CALCRL: variants seen among roughly 807,000 people sequenced by gnomAD.
CALCRL encodes the protein calcitonin receptor like receptor, also known as calcitonin gene-related peptide type 1 receptor.
In CALCRL, 27 loss-of-function variants were observed where a neutral mutation model predicts 60.4. The observed-to-expected ratio is 0.45, with a 90% CI of 0.33 to 0.62. The LOEUF (loss-of-function observed/expected upper bound fraction) is 0.62, where lower values mean the gene tolerates loss of function less well. CALCRL is among the 20% of genes least tolerant of loss of function. The pLI, the probability that CALCRL is intolerant of heterozygous loss-of-function variation, is 0.03. For synonymous variants in CALCRL, 190 were observed against 182.6 expected (o/e 1.04, Z -0.33); for missense variants, 424 against 540.7 (o/e 0.78, Z 2.14).
chr2:187,373,786 T>G (rs1559048662), intron 8 of CALCRL, among the ~76,000 whole-genome samples: 1 of 152,146 alleles, frequency 6.6e-6, no homozygotes, highest in Non-Finnish European at 1.5e-5. Context: ...AACTGAGGAT[T>G]AGAAAAATGA....
intron 1 of CALCRL, among the ~76,000 whole-genome samples, chr2:187,403,837 C>A (rs1456409905): frequency 1.3e-5 from 2 of 151,840 alleles, no homozygotes; most frequent in Admixed American, 1.3e-4. Flanking sequence ...ATCATTTACT[C>A]CTCTGACTAA....
rs78574790 is a variant in CALCRL, at chr2:187,383,000, C to T, written c.184+173G>A. 5.9e-3 allele frequency among the ~76,000 whole-genome samples: 893 copies of T among 151,866 alleles called. 14 individuals carry two copies. The highest frequency in any genetic ancestry group is 0.021 in the African/African-American group (859 of 41,396). ...ACATATTTTTATTGTTTTTAAAAAG[C>T]GATATAACATGATGTCATAAAATGT... is the stretch of plus-strand genomic sequence containing the variant. On this transcript the variant is annotated intron_variant, in intron 5 of 14. Transcript: ENST00000392370.
Position 187,378,754 on chromosome 2 carries a change from TTAAGA to T in CALCRL, c.500+181_500+185del, listed in dbSNP as rs763167821. Among the ~76,000 whole-genome samples the T allele has an allele frequency of 4.6e-5, 7 of 152,232 alleles. No homozygotes were observed. The South Asian group carries it at 8.3e-4, about 18-fold the overall frequency. On this transcript the variant is annotated intron_variant, in intron 8 of 14. Coordinates refer to ENST00000392370, the MANE Select transcript of CALCRL (RefSeq NM_005795.6). Reference sequence around the variant, plus strand: ...GCCTACTAATTTTGTAAAATTCAGGTTAAGATATTTCATCAGTCTCCTCTACATAT... The same window carrying T: ...GCCTACTAATTTTGTAAAATTCAGGTTATTTCATCAGTCTCCTCTACATAT...
At chr2:187,429,194 C>T (rs556898617) in intron 1 of CALCRL, among the ~76,000 whole-genome samples, 3 of 150,642 alleles carry the variant, frequency 2.0e-5, no homozygotes, top group South Asian at 4.2e-4. Context: ...TTTTATTTCC[C>T]ACTTCTTACC....
chr2:187,427,541 C>G (rs1422234706), intron 1 of CALCRL, among the ~76,000 whole-genome samples: 1 of 152,126 alleles, frequency 6.6e-6, no homozygotes, highest in African/African-American at 2.4e-5. Flanking sequence ...ATGCTTTCTA[C>G]TAAATTTCAA....
chr2:187,433,649 A>C (rs1487906949), intron 1 of CALCRL, among the ~76,000 whole-genome samples: 1 of 152,086 alleles, frequency 6.6e-6, no homozygotes, highest in African/African-American at 2.4e-5. Flanking sequence ...ATAAAATCCT[A>C]ATCAACTAAA....
At chr2:187,391,431 G>A (rs3821183) in intron 1 of CALCRL, among the ~76,000 whole-genome samples, 22,892 of 152,018 alleles carry the variant, frequency 0.15, 2,372 homozygotes, top group East Asian at 0.4. Flanking sequence ...AATGAAAAGA[G>A]GTCAAGTTAA....
chr2:187,353,408 T>C (rs1686622657), intron 12 of CALCRL, among the ~76,000 whole-genome samples: 1 of 151,842 alleles, frequency 6.6e-6, no homozygotes, highest in African/African-American at 2.4e-5. Context: ...AGTTTAAAAA[T>C]TGCAAAAAAT....
At chr2:187,427,407 C>T (rs942192537) in intron 1 of CALCRL, among the ~76,000 whole-genome samples, 1 of 152,040 alleles carries the variant, frequency 6.6e-6, no homozygotes, top group African/African-American at 2.4e-5. Flanking sequence ...ATTTGAGAAC[C>T]ATTATGGTGG....
chr2:187,390,189 G>A (rs1297845385), intron 1 of CALCRL, among the ~76,000 whole-genome samples: 3 of 152,096 alleles, frequency 2.0e-5, no homozygotes, highest in Non-Finnish European at 4.4e-5. Flanking sequence ...TTACTTAGAT[G>A]TTAAATAAAC....
chr2:187,396,534 A>C (rs890710002), intron 1 of CALCRL, among the ~76,000 whole-genome samples: 2 of 151,886 alleles, frequency 1.3e-5, no homozygotes, highest in South Asian at 4.1e-4. Flanking sequence ...AAGACTTTTA[A>C]ATATGCAGAG....
At chr2:187,420,281 T>C (rs1183093816) in intron 1 of CALCRL, among the ~76,000 whole-genome samples, 1 of 152,160 alleles carries the variant, frequency 6.6e-6, no homozygotes, top group African/African-American at 2.4e-5. Context: ...GAACTAGATC[T>C]GGAAGAAGTC....
chr2:187,435,066 GTTTA>G (rs1251783269), intron 1 of CALCRL, among the ~76,000 whole-genome samples: 1 of 152,124 alleles, frequency 6.6e-6, no homozygotes, highest in Non-Finnish European at 1.5e-5. Flanking sequence ...GCATACAGGA[GTTTA>G]TTTATTTAAA....
chr2:187,353,757 A>C (rs1030577121), intron 12 of CALCRL, among the ~76,000 whole-genome samples: 4 of 151,990 alleles, frequency 2.6e-5, no homozygotes, highest in Non-Finnish European at 5.9e-5. Flanking sequence ...CTTTAAAAAA[A>C]GATAATAATG....
intron 1 of CALCRL, among the ~76,000 whole-genome samples, chr2:187,402,467 T>C (rs1688933462): frequency 6.6e-6 from 1 of 151,190 alleles, no homozygotes. Flanking sequence ...GACATCTACG[T>C]AGAGAATATG....
At chr2:187,429,359 A>G (rs1690301300) in intron 1 of CALCRL, among the ~76,000 whole-genome samples, 1 of 152,202 alleles carries the variant, frequency 6.6e-6, no homozygotes, top group African/African-American at 2.4e-5. Flanking sequence ...TCTTTAGGTC[A>G]GAGAGTTACA....
chr2:187,388,708 A>G (rs1443614821), intron 1 of CALCRL, among the ~76,000 whole-genome samples: 2 of 152,128 alleles, frequency 1.3e-5, no homozygotes, highest in Non-Finnish European at 2.9e-5. Context: ...AATCACTTCT[A>G]TATTTATTAA....
chr2:187,435,193 G>A (rs968390168), intron 1 of CALCRL, among the ~76,000 whole-genome samples: 2 of 152,158 alleles, frequency 1.3e-5, no homozygotes, highest in African/African-American at 4.8e-5. Context: ...GGCTGTATAA[G>A]CATGGCTCCA....
chr2:187,408,490 C>A (rs1689226406), intron 1 of CALCRL, among the ~76,000 whole-genome samples: 1 of 151,970 alleles, frequency 6.6e-6, no homozygotes, highest in Non-Finnish European at 1.5e-5. Flanking sequence ...TTATGTACTA[C>A]ATATCTTTCC....
Sources: allele counts gnomAD v4.1 joint callset (sites outside exome capture counted in the v4.1 genomes callset), GRCh38; gene constraint gnomAD v4.1.1; transcripts MANE v1.5; gene names NCBI Gene and HGNC (gene_info 2026-07-23, HGNC 2026-07-21).